VSTM4: variants seen among roughly 807,000 people sequenced by gnomAD.
VSTM4 encodes the protein V-set and transmembrane domain-containing protein 4.
In VSTM4, 20 loss-of-function variants were observed where a neutral mutation model predicts 36.4. The observed-to-expected ratio is 0.55, with a 90% CI of 0.39 to 0.80. The LOEUF (loss-of-function observed/expected upper bound fraction) is 0.80, where lower values mean the gene tolerates loss of function less well. Among genes scored for constraint, VSTM4 ranks in the 30% least tolerant of loss-of-function variants. The pLI, the probability that VSTM4 is intolerant of heterozygous loss-of-function variation, is 0.00. For missense variants in VSTM4, 392 were observed against 404.5 expected, an observed-to-expected ratio of 0.97 and a Z score of 0.26; for synonymous variants, 182 against 173.9, an observed-to-expected ratio of 1.05 and a Z score of -0.37.
chr10:49,082,219 T>TA (rs1174428777), intron 3 of VSTM4, among the ~76,000 whole-genome samples: 3 of 152,196 alleles, frequency 2.0e-5, no homozygotes, highest in African/African-American at 7.2e-5. Flanking sequence ...CCTTTTTATG[T>TA]AAAAATCTCT....
At position 49,016,394 on chromosome 10, in the gene VSTM4, G is replaced by A. The variant is rs1291149594; in HGVS notation, c.*3256C>T. Reference sequence around the variant, plus strand: ...TAGGCAGGAGATGTGGCAACAGATAGATATGTGCCATTCCAGCTTCACTGC... The same window carrying A: ...TAGGCAGGAGATGTGGCAACAGATAAATATGTGCCATTCCAGCTTCACTGC... On this transcript the variant is annotated 3_prime_UTR_variant, in exon 8 of 8. Transcript: ENST00000332853. The A allele has an allele frequency of 1.3e-5, 2 of 152,192 alleles. No individual in the cohort carries two copies. The highest frequency in any genetic ancestry group is 2.9e-5 in the Non-Finnish European group (2 of 68,050). 9.4% of individuals were successfully genotyped at this position (152,192 alleles called of 1,614,324 possible).
chr10:49,021,469 A>T (rs541634119), intron 7 of VSTM4, among the ~76,000 whole-genome samples: 1 of 152,332 alleles, frequency 6.6e-6, no homozygotes, highest in South Asian at 2.1e-4. Context: ...AATGAGGAAG[A>T]TATTTATATC....
intron 7 of VSTM4, among the ~76,000 whole-genome samples, chr10:49,034,972 G>A (rs990103598): frequency 2.2e-4 from 33 of 152,224 alleles, no homozygotes; most frequent in African/African-American, 7.5e-4. Context: ...CAGAAATGAA[G>A]TGCCCAATAA....
chr10:49,026,289 G>A (rs1009463233), intron 7 of VSTM4, among the ~76,000 whole-genome samples: 1 of 152,204 alleles, frequency 6.6e-6, no homozygotes, highest in African/African-American at 2.4e-5. Context: ...AAGTGACTGA[G>A]AGTTGAAATT....
chr10:49,059,270 T>C (rs755934758), intron 5 of VSTM4, among the ~76,000 whole-genome samples: 8 of 152,024 alleles, frequency 5.3e-5, no homozygotes, highest in Non-Finnish European at 1.2e-4. Flanking sequence ...AATCTGTGGG[T>C]TGACCCAACA....
chr10:49,037,642 A>C (rs1007386360), intron 7 of VSTM4, among the ~76,000 whole-genome samples: 6 of 152,268 alleles, frequency 3.9e-5, no homozygotes, highest in Non-Finnish European at 8.8e-5. Context: ...GAATCAAGGG[A>C]CACAATTAAC....
At chr10:49,102,473 C>T (rs780586984) in intron 2 of VSTM4, 61 of 985,296 alleles carry the variant, frequency 6.2e-5, no homozygotes, top group Non-Finnish European at 6.6e-5. Context: ...CATCACTGTG[C>T]CACAGCAGCT....
intron 7 of VSTM4, among the ~76,000 whole-genome samples, chr10:49,027,520 A>G (rs546742960): frequency 6.6e-6 from 1 of 152,330 alleles, no homozygotes; most frequent in South Asian, 2.1e-4. Context: ...ATTGTAACAC[A>G]GGTATAGATG....
chr10:49,113,593 C>G (rs1193541552), intron 1 of VSTM4, among the ~76,000 whole-genome samples: 1 of 152,196 alleles, frequency 6.6e-6, no homozygotes, highest in Non-Finnish European at 1.5e-5. Context: ...GCTTCAAAGA[C>G]AGCTCAGCCA....
At position 49,107,621 on chromosome 10, in the gene VSTM4, T is replaced by C. The variant is rs1844806925; in HGVS notation, c.430A>G (p.Asn144Asp). Residue 144 changes from asparagine (N) to aspartate (D), a missense_variant, in exon 2 of 8, where the codon AAT becomes GAT. Coordinates refer to ENST00000332853, the MANE Select transcript of VSTM4 (RefSeq NM_001031746.5). The part of the protein sequence containing the change: ...RHRNKWTAWS[N>D]GSSATEMRVI... ...CTCATTTCCGTGGCTGAGGAGCCAT[T>C]GGACCAGGCCGTCCACTTGTTCCTG... 1 of 1,610,120 alleles carries C rather than the reference T, an allele frequency of 6.2e-7. No homozygotes were observed.
At chr10:49,045,410 T>C (rs1053717298) in intron 7 of VSTM4, among the ~76,000 whole-genome samples, 4 of 152,160 alleles carry the variant, frequency 2.6e-5, no homozygotes, top group African/African-American at 9.7e-5. Context: ...TCTAGAAAGA[T>C]TAAGGGAAAT....
At chr10:49,103,688 AC>A (rs1456197708) in intron 2 of VSTM4, 8 of 1,602,080 alleles carry the variant, frequency 5.0e-6, no homozygotes, top group Non-Finnish European at 6.8e-6. Flanking sequence ...GAGACCAGGC[AC>A]CAGCCTTTCT....
chr10:49,068,278 C>T (rs1844009378), intron 4 of VSTM4, among the ~76,000 whole-genome samples: 1 of 151,998 alleles, frequency 6.6e-6, no homozygotes, highest in Non-Finnish European at 1.5e-5. Context: ...GTACTGGGAC[C>T]CAAGATAATC....
chr10:49,050,311 A>C lies in VSTM4; in HGVS notation c.669-1727T>G, dbSNP rs75133995. ...GAATTTAAAAATAGTGGTTCCCTAG[A>C]ATGGGGGTGCTAAGGAACTAAACAG... On this transcript the variant is annotated intron_variant, in intron 5 of 7. Coordinates refer to ENST00000332853, the MANE Select transcript of VSTM4 (RefSeq NM_001031746.5). Among the ~76,000 whole-genome samples the C allele has an allele frequency of 1.6e-3, 251 of 152,330 alleles. 3 individuals are homozygous for C. In the East Asian group the frequency reaches 0.021, roughly 13 times the overall value.
intron 2 of VSTM4, among the ~76,000 whole-genome samples, chr10:49,095,731 C>T (rs1421500193): frequency 2.0e-5 from 3 of 152,162 alleles, no homozygotes; most frequent in Non-Finnish European, 4.4e-5. Context: ...CTCACCCCCT[C>T]GTCTGGCCCT....
intron 2 of VSTM4, among the ~76,000 whole-genome samples, chr10:49,087,547 AG>A (rs1844390628): frequency 6.6e-6 from 1 of 152,138 alleles, no homozygotes; most frequent in Admixed American, 6.6e-5. Context: ...AACTGTTGAG[AG>A]GCTTTCAGTT....
At chr10:49,077,028 A>G (rs998254492) in intron 4 of VSTM4, among the ~76,000 whole-genome samples, 191 bp downstream of exon 4, 5 of 152,200 alleles carry the variant, frequency 3.3e-5, no homozygotes, top group African/African-American at 9.6e-5. Flanking sequence ...AGTGATGTCA[A>G]TGATGGCCAC....
chr10:49,061,472 G>A lies in VSTM4; in HGVS notation c.668+3231C>T, dbSNP rs1007597419. ...CTACAGCAGGTCAATCAGTAGATGA[G>A]GGGGAGGAATTGAAGGATCTAACCA... On this transcript the variant is annotated intron_variant, in intron 5 of 7. Coordinates refer to ENST00000332853, the MANE Select transcript of VSTM4 (RefSeq NM_001031746.5). Among the ~76,000 whole-genome samples the A allele has an allele frequency of 7.2e-5, 11 of 152,140 alleles. 2 individuals are homozygous for A. Among genetic ancestry groups the A allele is most frequent in the Admixed American group, 6.5e-4 (10 of 15,280 alleles).
chr10:49,025,825 C>A (rs1036477034), intron 7 of VSTM4, among the ~76,000 whole-genome samples: 1 of 152,242 alleles, frequency 6.6e-6, no homozygotes, highest in Non-Finnish European at 1.5e-5. Context: ...GTCAGCTGAG[C>A]ACACAGAGGC....
Sources: allele counts gnomAD v4.1 joint callset (sites outside exome capture counted in the v4.1 genomes callset), GRCh38; gene constraint gnomAD v4.1.1; transcripts MANE v1.5; gene names NCBI Gene and HGNC (gene_info 2026-07-23, HGNC 2026-07-21).